The following SATB1 variants were observed in gnomAD, a reference collection of about 807,000 sequenced individuals.
SATB1 encodes the protein SATB homeobox 1, also known as DNA-binding protein SATB1.
Under a neutral mutation model 86.9 loss-of-function variants are expected in SATB1, and 11 were observed. That is an observed-to-expected ratio of 0.13 (90% CI 0.08 to 0.21). SATB1 has a LOEUF of 0.21. Among genes scored for constraint, SATB1 ranks in the 10% least tolerant of loss-of-function variants. SATB1 has a pLI of 1.00. For synonymous variants in SATB1, 357 were observed against 357.2 expected (o/e 1.00, Z 0.01); for missense variants, 551 against 937.6 (o/e 0.59, Z 5.39).
At chr3:18,358,418 A>T (rs775512981) in intron 9 of SATB1, among the ~76,000 whole-genome samples, 22 of 152,036 alleles carry the variant, frequency 1.4e-4, no homozygotes, top group Admixed American at 5.2e-4. Context: ...TCCTCTATGG[A>T]ATTAGTAGGA....
chr3:18,404,200 A>G (rs994727572), intron 5 of SATB1, among the ~76,000 whole-genome samples: 2 of 152,098 alleles, frequency 1.3e-5, no homozygotes, highest in African/African-American at 4.8e-5. Context: ...ATGGGCTTCA[A>G]TTTATGACAG....
chr3:18,400,254 C>A (rs190629293), intron 5 of SATB1, among the ~76,000 whole-genome samples: 1 of 152,206 alleles, frequency 6.6e-6, no homozygotes, highest in East Asian at 1.9e-4. Flanking sequence ...AAAAAGATTG[C>A]ACTAAGCTGT....
intron 10 of SATB1, 116 bp downstream of exon 10, chr3:18,351,876 C>T: frequency 1.1e-6 from 1 of 920,692 alleles, no homozygotes; most frequent in East Asian, 2.4e-5. Flanking sequence ...GTATTGTTAT[C>T]TCTTGCTAAA....
In SATB1 at chr3:18,352,830, G is replaced by A. The variant is rs1694436944; in HGVS notation, c.1576-635C>T. ...CCTATTTTTCCGCCTGCTGCAGTGGGAGCATATGATTTGTCAGGCAAGAAT... is the reference window on the plus strand; with the variant it reads ...CCTATTTTTCCGCCTGCTGCAGTGGAAGCATATGATTTGTCAGGCAAGAAT... On this transcript the variant is annotated intron_variant, in intron 9 of 10. Coordinates refer to ENST00000338745, the MANE Select transcript of SATB1 (RefSeq NM_002971.6). This position sits in a 1 kb window ranked among gnomAD's most constrained non-coding sequence, Gnocchi z 4.1. 1 of 152,526 alleles carries A rather than the reference G, an allele frequency of 6.6e-6. No homozygotes were observed. Among genetic ancestry groups the A allele is most frequent in the Non-Finnish European group, 1.5e-5 (1 of 68,322 alleles). 9.4% of individuals were successfully genotyped at this position (152,526 alleles called of 1,614,324 possible). A position where few individuals can be genotyped will look rare whatever the true frequency, so the allele number is the denominator to read the frequency against.
intron 9 of SATB1, among the ~76,000 whole-genome samples, chr3:18,370,757 G>A (rs1322684663): frequency 6.6e-6 from 1 of 151,990 alleles, no homozygotes; most frequent in Admixed American, 6.5e-5. Context: ...AGAAAACAGA[G>A]GCCTCATCAA....
At chr3:18,379,970 G>A (rs1695962458) in intron 8 of SATB1, among the ~76,000 whole-genome samples, 1 of 152,088 alleles carries the variant, frequency 6.6e-6, no homozygotes, top group African/African-American at 2.4e-5. Context: ...CACATACAGG[G>A]CTTTGAAGCA....
chr3:18,360,921 A>G (rs747801499), intron 9 of SATB1, among the ~76,000 whole-genome samples: 1 of 152,150 alleles, frequency 6.6e-6, no homozygotes, highest in Non-Finnish European at 1.5e-5. Flanking sequence ...CCACATGGAG[A>G]AGAAGAGTTG....
intron 9 of SATB1, among the ~76,000 whole-genome samples, chr3:18,357,134 T>C (rs1225544678): frequency 6.6e-6 from 1 of 151,850 alleles, no homozygotes; most frequent in Non-Finnish European, 1.5e-5. Context: ...TTACAGTCTG[T>C]ATTTATTCCC....
At chr3:18,383,677 T>C (rs1696171828) in intron 8 of SATB1, among the ~76,000 whole-genome samples, 3 of 143,582 alleles carry the variant, frequency 2.1e-5, no homozygotes, top group Non-Finnish European at 1.5e-5. Context: ...ATTTTATCCT[T>C]TATTTTAACT....
At chr3:18,378,063 G>T in intron 9 of SATB1, 107 bp downstream of exon 9, 1 of 892,060 alleles carries the variant, frequency 1.1e-6, no homozygotes, top group Non-Finnish European at 1.7e-6. Flanking sequence ...CCTAGACACA[G>T]AGGCCTCTCC....
At position 18,368,553 on chromosome 3, in the gene SATB1, A is replaced by G. The variant is rs1695302396; in HGVS notation, c.1575+9617T>C. The stretch of plus-strand genomic sequence containing the variant: ...AGAAAAAGAAACACGACATGAGGAA[A>G]CTACTAAGCAAAAGGGAAAATGAGT... On this transcript the variant is annotated intron_variant, in intron 9 of 10. Coordinates refer to ENST00000338745, the MANE Select transcript of SATB1 (RefSeq NM_002971.6). Among the ~76,000 whole-genome samples, 3 of 152,262 alleles carry G rather than the reference A, an allele frequency of 2.0e-5. No homozygotes were observed. In the South Asian group the frequency reaches 6.2e-4, roughly 31 times the overall value.
At chr3:18,427,569 T>C (rs2125189599), upstream of SATB1, among the ~76,000 whole-genome samples, 1 of 152,334 alleles carries the variant, frequency 6.6e-6, no homozygotes, top group African/African-American at 2.4e-5. Flanking sequence ...GTAAACATGC[T>C]TATTACATCA....
rs1698620596 is a variant in SATB1, at chr3:18,425,161, C to T, written c.-1559G>A. ...CTCCTGCTGCTGCTGCCGCCGCCGCCGCCGCTGCCGCTGTGGGTGCCTCTT... is the reference window on the plus strand; with the variant it reads ...CTCCTGCTGCTGCTGCCGCCGCCGCTGCCGCTGCCGCTGTGGGTGCCTCTT... On this transcript the variant is annotated 5_prime_UTR_variant, in exon 1 of 11. Coordinates refer to ENST00000338745, the MANE Select transcript of SATB1 (RefSeq NM_002971.6). 3 of 176,110 alleles carry T rather than the reference C, an allele frequency of 1.7e-5. No individual in the cohort carries two copies. Among genetic ancestry groups the T allele is most frequent in the South Asian group, 2.7e-4 (2 of 7,354 alleles). 10.9% of individuals were successfully genotyped at this position (176,110 alleles called of 1,614,324 possible).
chr3:18,354,097 T>A (rs1375312409), intron 9 of SATB1, among the ~76,000 whole-genome samples: 1 of 152,224 alleles, frequency 6.6e-6, no homozygotes, highest in South Asian at 2.1e-4. Flanking sequence ...TTCAGCTCTA[T>A]TTATGTGAAT....
intron 2 of SATB1, among the ~76,000 whole-genome samples, chr3:18,419,559 T>A (rs949225117): frequency 3.9e-5 from 6 of 152,208 alleles, no homozygotes; most frequent in African/African-American, 1.2e-4. Flanking sequence ...ATTTAGGAAT[T>A]TATGGAACTT....
Position 18,386,432 on chromosome 3 carries a change from G to A in SATB1, c.1386C>T (p.Pro462=), listed in dbSNP as rs2229261. The A allele has an allele frequency of 6.2e-7, 1 of 1,613,224 alleles. No individual in the cohort carries two copies. Among genetic ancestry groups the A allele is most frequent in the African/African-American group, 1.3e-5 (1 of 74,732 alleles). ...LNAASAMGPA[P]LISTPPSRPP... ...GACGGCTGGGTGGTGTGCTGATGAG[G>A]GGGGCAGGACCCATGGCCGAGGCAG... is the stretch of plus-strand genomic sequence containing the variant. The change falls in exon 8 of 11, where the codon CCC becomes CCT. Residue 462 remains proline, a synonymous_variant. Coordinates refer to ENST00000338745, the MANE Select transcript of SATB1 (RefSeq NM_002971.6). The surrounding 1 kb of genome is among the most constrained non-coding windows in gnomAD (Gnocchi z 4.5).
intron 9 of SATB1, among the ~76,000 whole-genome samples, chr3:18,359,192 T>TA (rs1694792534): frequency 6.6e-6 from 1 of 152,018 alleles, no homozygotes; most frequent in Non-Finnish European, 1.5e-5. Flanking sequence ...TCAAAGCCAC[T>TA]AACTTTAGGG....
At chr3:18,374,807 C>A (rs1173042547) in intron 9 of SATB1, among the ~76,000 whole-genome samples, 1 of 152,160 alleles carries the variant, frequency 6.6e-6, no homozygotes, top group Non-Finnish European at 1.5e-5. Context: ...AAATAAATCT[C>A]TATCCATGTG....
intron 9 of SATB1, among the ~76,000 whole-genome samples, chr3:18,377,835 A>T (rs1295860554): frequency 6.6e-6 from 1 of 152,202 alleles, no homozygotes; most frequent in Non-Finnish European, 1.5e-5. Context: ...CATCTAAGCA[A>T]TAATGAAATA....
Sources: allele counts gnomAD v4.1 joint callset (sites outside exome capture counted in the v4.1 genomes callset), GRCh38; gene constraint gnomAD v4.1.1; non-coding constraint Gnocchi (gnomAD v3.1); transcripts MANE v1.5; gene names NCBI Gene and HGNC (gene_info 2026-07-23, HGNC 2026-07-21).